KMT2A: variants seen among roughly 807,000 people sequenced by gnomAD.
The protein encoded by KMT2A is histone-lysine N-methyltransferase 2A.
A neutral mutation model predicts 345.3 loss-of-function variants in KMT2A; 16 were observed. The ratio of observed to expected loss-of-function variants is 0.05; its 90% CI spans 0.03 to 0.07. KMT2A has a LOEUF of 0.07. Among genes scored for constraint, KMT2A ranks in the 10% least tolerant of loss-of-function variants. KMT2A has a pLI of 1.00. For synonymous variants in KMT2A, 1,599 were observed against 1,778.6 expected (o/e 0.90, Z 2.54); for missense variants, 3,272 against 4,841.6 (o/e 0.68, Z 9.62).
chr11:118,525,832 T>A lies in KMT2A; in HGVS notation c.*3660T>A, dbSNP rs1951070825. 4.5e-6 allele frequency: 1 copy of A among 224,204 alleles called. No homozygotes were observed. The highest frequency in any genetic ancestry group is 6.5e-5 in the East Asian group (1 of 15,324). The allele number at this position is 224,204 out of a possible 1,614,324, so 13.9% of individuals were successfully genotyped here. The stretch of plus-strand genomic sequence containing the variant: ...GGAAAAGCGGGTCATTGCAAAGGGC[T>A]GGGTGTAATTTTATGTTTCATTTCC... On this transcript the variant is annotated 3_prime_UTR_variant, in exon 36 of 36. Coordinates refer to ENST00000534358, the MANE Select transcript of KMT2A (RefSeq NM_001197104.2).
chr11:118,496,471 T>G lies in KMT2A; in HGVS notation c.5664+104T>G. On this transcript the variant is annotated intron_variant, in intron 20 of 35. Coordinates refer to ENST00000534358, the MANE Select transcript of KMT2A (RefSeq NM_001197104.2). This position sits in a 1 kb window ranked among gnomAD's most constrained non-coding sequence, Gnocchi z 4.7. Reference sequence around the variant, plus strand: ...CTGGGTGCCATTTATTTAATGAACTTACTTATAACTTACTAATTTATAACT... The same window carrying G: ...CTGGGTGCCATTTATTTAATGAACTGACTTATAACTTACTAATTTATAACT... 1.5e-6 allele frequency: 1 copy of G among 668,132 alleles called. No individual in the cohort carries two copies. The highest frequency in any genetic ancestry group is 2.6e-5 in the Admixed American group (1 of 37,880). The allele number at this position is 668,132 out of a possible 1,614,324, so 41.4% of individuals were successfully genotyped here. A position where few individuals can be genotyped will look rare whatever the true frequency, so the allele number is the denominator to read the frequency against.
Position 118,491,831 on chromosome 11 carries a change from G to A in KMT2A, c.4907G>A (p.Arg1636Gln), listed in dbSNP as rs782229111. The change falls in exon 15 of 36, where the codon CGA (arginine) becomes CAA (glutamine). Residue 1636 changes from arginine to glutamine, a missense_variant. By Grantham distance (43) the Arg-to-Gln change is conservative. Coordinates refer to ENST00000534358, the MANE Select transcript of KMT2A (RefSeq NM_001197104.2). This position sits in a 1 kb window ranked among gnomAD's most constrained non-coding sequence, Gnocchi z 4.2. ...ACTGAGCGGCACCCTGCAGAGTGGC[G>A]ACTGGCCCTTGAAAAAGAGCTGCAG... ...NCTERHPAEW[R>Q]LALEKELQIS... 1.1e-5 allele frequency: 17 copies of A among 1,614,076 alleles called. No homozygotes were observed. The highest frequency in any genetic ancestry group is 6.7e-5 in the East Asian group (3 of 44,886).
At chr11:118,466,031 T>A (rs1251962839) in intron 1 of KMT2A, among the ~76,000 whole-genome samples, 1 of 152,180 alleles carries the variant, frequency 6.6e-6, no homozygotes, top group Non-Finnish European at 1.5e-5. Context: ...CTAACTTGTT[T>A]TAAGATGAAG....
At position 118,476,687 on chromosome 11, in the gene KMT2A, TA is replaced by T. The variant is rs1555037578; in HGVS notation, c.3157-117del. 6 of 763,016 alleles carry T rather than the reference TA, an allele frequency of 7.9e-6. No individual in the cohort carries two copies. The highest frequency in any genetic ancestry group is 1.3e-5 in the Non-Finnish European group (6 of 471,736). 47.3% of individuals were successfully genotyped at this position (763,016 alleles called of 1,614,324 possible). On this transcript the variant is annotated intron_variant, in intron 3 of 35. Coordinates refer to ENST00000534358, the MANE Select transcript of KMT2A (RefSeq NM_001197104.2). This position sits in a 1 kb window ranked among gnomAD's most constrained non-coding sequence, Gnocchi z 4.1. ...ATATGATTTATCAGCTGGGAATAAT[TA>T]GAGTTGTGTGTTTTGATTCTAAATC...
rs2135289979 is a variant in KMT2A at position 118,520,844 on chromosome 11, G to A, written c.11472G>A (p.Arg3824=). ...ATCTGCCAATGCCCATGCGCTTCCG[G>A]CACTTAAAAAAGACTTCTAAGGAGG... ...SMDLPMPMRF[R]HLKKTSKEAV... The change falls in exon 34 of 36, where the codon CGG becomes CGA. Residue 3824 remains arginine (R), a synonymous_variant. Transcript: ENST00000534358. The surrounding 1 kb of genome is among the most constrained non-coding windows in gnomAD (Gnocchi z 4.3). The A allele has an allele frequency of 8.1e-6, 13 of 1,614,070 alleles. No individual in the cohort carries two copies. The highest frequency in any genetic ancestry group is 1.0e-5 in the Non-Finnish European group (12 of 1,179,956).
intron 23 of KMT2A, 150 bp from the exon 24 acceptor site, chr11:118,499,685 C>G: frequency 1.5e-6 from 1 of 654,874 alleles, no homozygotes; most frequent in East Asian, 2.7e-5. Context: ...GAGGCTGAGG[C>G]ACAGGAATCA....
intron 4 of KMT2A, 61 bp from the exon 5 acceptor site, chr11:118,477,906 C>T: frequency 9.1e-7 from 1 of 1,104,872 alleles, no homozygotes; most frequent in Non-Finnish European, 1.3e-6. Flanking sequence ...TTTGGAGTAC[C>T]AATTAAAACC....
rs781806860 is a variant in KMT2A at position 118,473,389 on chromosome 11, A to G, written c.2230A>G (p.Ile744Val). The stretch of plus-strand genomic sequence containing the variant: ...AAGGAAAAGAAAAGTGTTTAGTCCT[A>G]TTCGATCTGAACCAAGATCTCCTTC... ...RKRKRKVFSP[I>V]RSEPRSPSHS... The change falls in exon 3 of 36, where the codon ATT becomes GTT. Residue 744 changes from isoleucine (I) to valine (V), a missense_variant. By Grantham distance (29) the Ile-to-Val change is conservative. This residue lies in a region of KMT2A where 114 missense variants were observed against 203.2 expected (regional missense o/e 0.56). Coordinates refer to ENST00000534358, the MANE Select transcript of KMT2A (RefSeq NM_001197104.2). The surrounding 1 kb of genome is among the most constrained non-coding windows in gnomAD (Gnocchi z 5.2). 4 of 1,614,204 alleles carry G rather than the reference A, an allele frequency of 2.5e-6. No individual in the cohort carries two copies. The Admixed American group carries it at 5.0e-5, about 20-fold the overall frequency.
chr11:118,519,583 G>T (rs187379713), intron 31 of KMT2A, 35 bp from the exon 32 acceptor site: 2 of 1,589,834 alleles, frequency 1.3e-6, no homozygotes, highest in Middle Eastern at 3.4e-4. Context: ...TGTTGACTGC[G>T]CTCCTCACTT....
At position 118,520,146 on chromosome 11, in the gene KMT2A, T is replaced by C; in HGVS notation, c.11429+82T>C. Reference sequence around the variant, plus strand: ...TCAGGGCACTACGTAGGAATTTGTTTGCATCAGAATTTCCTGGATAAGATT... The same window carrying C: ...TCAGGGCACTACGTAGGAATTTGTTCGCATCAGAATTTCCTGGATAAGATT... On this transcript the variant is annotated intron_variant, in intron 33 of 35. Coordinates refer to ENST00000534358, the MANE Select transcript of KMT2A (RefSeq NM_001197104.2). This position sits in a 1 kb window ranked among gnomAD's most constrained non-coding sequence, Gnocchi z 4.3. 1 of 889,990 alleles carries C rather than the reference T, an allele frequency of 1.1e-6. No individual in the cohort carries two copies. Among genetic ancestry groups the C allele is most frequent in the East Asian group, 2.5e-5 (1 of 39,600 alleles). 55.1% of individuals were successfully genotyped at this position (889,990 alleles called of 1,614,324 possible). A position where few individuals can be genotyped will look rare whatever the true frequency, so the allele number is the denominator to read the frequency against.
At chr11:118,460,445 C>A (rs61900943) in intron 1 of KMT2A, among the ~76,000 whole-genome samples, 1 of 151,910 alleles carries the variant, frequency 6.6e-6, no homozygotes, top group South Asian at 2.1e-4. Context: ...CACCAGCACA[C>A]CCAGCTATTT....
chr11:118,506,780 CTT>C, intron 27 of KMT2A, 134 bp downstream of exon 27: 1 of 875,998 alleles, frequency 1.1e-6, no homozygotes, highest in South Asian at 1.9e-5. Flanking sequence ...CGGGTTTTGA[CTT>C]TTTTTCTCTC....
chr11:118,525,491 T>C lies in KMT2A; in HGVS notation c.*3319T>C, dbSNP rs1458734702. The stretch of plus-strand genomic sequence containing the variant: ...ATTAAGGGGGAAGCCCTGGCAGCTA[T>C]ACGTTTTCAACCAGACTCCTTTGCC... On this transcript the variant is annotated 3_prime_UTR_variant, in exon 36 of 36. Transcript: ENST00000534358. The C allele has an allele frequency of 4.4e-6, 1 of 226,330 alleles. No individual in the cohort carries two copies. The highest frequency in any genetic ancestry group is 5.7e-5 in the Admixed American group (1 of 17,500). 14.0% of individuals were successfully genotyped at this position (226,330 alleles called of 1,614,324 possible).
At chr11:118,444,758 G>A (rs1326897559) in intron 1 of KMT2A, among the ~76,000 whole-genome samples, 1 of 152,130 alleles carries the variant, frequency 6.6e-6, no homozygotes, top group African/African-American at 2.4e-5. Context: ...ATTTGTTGTA[G>A]AGATGGGAGT....
chr11:118,521,147 T>C lies in KMT2A; in HGVS notation c.11514-141T>C. On this transcript the variant is annotated intron_variant, in intron 34 of 35. Coordinates refer to ENST00000534358, the MANE Select transcript of KMT2A (RefSeq NM_001197104.2). The surrounding 1 kb of genome is among the most constrained non-coding windows in gnomAD (Gnocchi z 5.3). ...TTTGGCCATGTGTTAGATGGCCAAA[T>C]CAAGTGGGTCCAAATTTTTATTTTC... 1 of 929,798 alleles carries C rather than the reference T, an allele frequency of 1.1e-6. No individual in the cohort carries two copies. The highest frequency in any genetic ancestry group is 1.6e-6 in the Non-Finnish European group (1 of 610,062). The allele number at this position is 929,798 out of a possible 1,614,324, so 57.6% of individuals were successfully genotyped here.
intron 2 of KMT2A, among the ~76,000 whole-genome samples, chr11:118,469,360 TA>T (rs1485585429): frequency 1.3e-5 from 2 of 152,196 alleles, no homozygotes; most frequent in East Asian, 1.9e-4. Flanking sequence ...ATTTGGCCAT[TA>T]TTTTTTTTGG....
chr11:118,479,143 ATT>A, intron 5 of KMT2A, among the ~76,000 whole-genome samples: 1 of 152,186 alleles, frequency 6.6e-6, no homozygotes, highest in Non-Finnish European at 1.5e-5. Flanking sequence ...CAATTAAATT[ATT>A]ATTTACTACA....
At chr11:118,464,036 T>C (rs1949795390) in intron 1 of KMT2A, among the ~76,000 whole-genome samples, 1 of 152,168 alleles carries the variant, frequency 6.6e-6, no homozygotes, top group African/African-American at 2.4e-5. Flanking sequence ...ATGGGGACAA[T>C]GCCCCAAATA....
At position 118,505,792 on chromosome 11, in the gene KMT2A, A is replaced by G; in HGVS notation, c.9900A>G (p.Glu3300=). The stretch of plus-strand genomic sequence containing the variant: ...CTAAATCTAGCATCATGTATTTTGA[A>G]CCGGCACCCCTGTTACCACAGAGTG... ...KRSKSSIMYF[E]PAPLLPQSVG... is the part of the protein sequence containing the mutation. The change falls in exon 27 of 36, where the codon GAA becomes GAG. Residue 3300 remains glutamate (E), a synonymous_variant. Coordinates refer to ENST00000534358, the MANE Select transcript of KMT2A (RefSeq NM_001197104.2). The surrounding 1 kb of genome is among the most constrained non-coding windows in gnomAD (Gnocchi z 4.6). 6.2e-7 allele frequency: 1 copy of G among 1,614,134 alleles called. No individual in the cohort carries two copies. Among genetic ancestry groups the G allele is most frequent in the Non-Finnish European group, 8.5e-7 (1 of 1,180,026 alleles).
Sources: allele counts gnomAD v4.1 joint callset (sites outside exome capture counted in the v4.1 genomes callset), GRCh38; gene constraint gnomAD v4.1.1; regional missense constraint gnomAD v4.1.1; non-coding constraint Gnocchi (gnomAD v3.1); transcripts MANE v1.5; gene names NCBI Gene and HGNC (gene_info 2026-07-23, HGNC 2026-07-21).